Variants in CBLB observed in about 807,000 individuals in gnomAD.
CBLB encodes E3 ubiquitin-protein ligase CBL-B.
A neutral mutation model predicts 104.9 loss-of-function variants in CBLB; 31 were observed. The observed-to-expected ratio is 0.30, with a 90% CI of 0.22 to 0.40. The LOEUF is 0.40. CBLB is among the 10% of genes least tolerant of loss of function. CBLB has a pLI of 1.00. For missense variants in CBLB, 1,062 were observed against 1,214.6 expected, an observed-to-expected ratio of 0.87 and a Z score of 1.87; for synonymous variants, 440 against 422.6, an observed-to-expected ratio of 1.04 and a Z score of -0.51.
At chr3:105,764,870 G>A (rs1476062125) in intron 4 of CBLB, among the ~76,000 whole-genome samples, 1 of 152,180 alleles carries the variant, frequency 6.6e-6, no homozygotes, top group East Asian at 1.9e-4. Context: ...AAGTTTTGGT[G>A]GTTTGGTTAG....
At chr3:105,775,784 A>G (rs1427887614) in intron 4 of CBLB, among the ~76,000 whole-genome samples, 1 of 152,214 alleles carries the variant, frequency 6.6e-6, no homozygotes, top group East Asian at 1.9e-4. Flanking sequence ...TAGGGCATAC[A>G]TCTTTAACTA....
At chr3:105,759,045 C>G (rs1447826945) in intron 4 of CBLB, among the ~76,000 whole-genome samples, 1 of 152,090 alleles carries the variant, frequency 6.6e-6, no homozygotes. Context: ...GTCCCGTGTC[C>G]AGGAAGAATG....
intron 17 of CBLB, chr3:105,671,915 A>C (rs2065096638): frequency 5.2e-6 from 1 of 192,836 alleles, no homozygotes; most frequent in African/African-American, 2.3e-5. Flanking sequence ...GAATGAGAAG[A>C]TAAATCGCAT....
intron 17 of CBLB, among the ~76,000 whole-genome samples, chr3:105,675,629 A>G (rs1269633585): frequency 6.6e-6 from 1 of 152,164 alleles, no homozygotes; most frequent in Non-Finnish European, 1.5e-5. Context: ...CACGCCTGCA[A>G]TTCTAGCATT....
chr3:105,838,940 G>C (rs968370054), intron 3 of CBLB, among the ~76,000 whole-genome samples: 16 of 152,252 alleles, frequency 1.1e-4, no homozygotes, highest in African/African-American at 3.6e-4. Flanking sequence ...ACTCGAGACT[G>C]GAAGTGGATT....
intron 4 of CBLB, among the ~76,000 whole-genome samples, chr3:105,757,838 A>C (rs1232141305): frequency 6.6e-6 from 1 of 152,198 alleles, no homozygotes; most frequent in Admixed American, 6.5e-5. Flanking sequence ...CATTTTAAAC[A>C]AAAAGAAAAT....
At chr3:105,843,545 A>G (rs1248204153) in intron 3 of CBLB, among the ~76,000 whole-genome samples, 4 of 152,174 alleles carry the variant, frequency 2.6e-5, no homozygotes, top group Non-Finnish European at 4.4e-5. Context: ...TATTTGTATT[A>G]CTAATAATTT....
rs560979765 is a variant in CBLB at position 105,729,681 on chromosome 3, T to C, written c.1203+4328A>G. ...TGGAACTATGAAGTGTGCTATAATTTTGTTCTTCTTACTGACATATTTATC... is the reference window on the plus strand; with the variant it reads ...TGGAACTATGAAGTGTGCTATAATTCTGTTCTTCTTACTGACATATTTATC... On this transcript the variant is annotated intron_variant, in intron 9 of 18. Transcript: ENST00000394030. Among the ~76,000 whole-genome samples, 3 of 152,234 alleles carry C rather than the reference T, an allele frequency of 2.0e-5. No homozygotes were observed. The East Asian group carries it at 5.8e-4, about 29-fold the overall frequency.
At chr3:105,747,912 T>C (rs1462615565) in intron 5 of CBLB, among the ~76,000 whole-genome samples, 1 of 152,200 alleles carries the variant, frequency 6.6e-6, no homozygotes. Flanking sequence ...GCTACAGTAT[T>C]CAGCAACCAT....
At chr3:105,800,556 G>A (rs1389404976) in intron 3 of CBLB, among the ~76,000 whole-genome samples, 3 of 152,100 alleles carry the variant, frequency 2.0e-5, no homozygotes, top group South Asian at 2.1e-4. Flanking sequence ...GTCAAGACAC[G>A]TGTTTGACAG....
chr3:105,784,968 C>T (rs1190509712), intron 3 of CBLB, among the ~76,000 whole-genome samples: 1 of 152,168 alleles, frequency 6.6e-6, no homozygotes, highest in African/African-American at 2.4e-5. Flanking sequence ...TTCTCAAATG[C>T]ACCAGCTTTA....
chr3:105,815,050 T>A (rs1255393464), intron 3 of CBLB, among the ~76,000 whole-genome samples: 1 of 152,032 alleles, frequency 6.6e-6, no homozygotes, highest in Admixed American at 6.6e-5. Flanking sequence ...TTCACAAAAT[T>A]ATCTGTAATT....
chr3:105,804,876 A>C lies in CBLB; in HGVS notation c.420-28334T>G, dbSNP rs115248708. Among the ~76,000 whole-genome samples, 1,379 of 151,966 alleles carry C rather than the reference A, an allele frequency of 9.1e-3. 12 individuals carry two copies. The highest frequency in any genetic ancestry group is 0.011 in the Non-Finnish European group (736 of 67,960). ...AGTAGAACAGCCTTCCTTTATCCTTACTCCACAGTGGGAGAGTATCCCATC... is the reference window on the plus strand; with the variant it reads ...AGTAGAACAGCCTTCCTTTATCCTTCCTCCACAGTGGGAGAGTATCCCATC... On this transcript the variant is annotated intron_variant, in intron 3 of 18. Transcript: ENST00000394030.
At chr3:105,862,880 A>AC (rs1560581453) in intron 2 of CBLB, among the ~76,000 whole-genome samples, 1 of 151,946 alleles carries the variant, frequency 6.6e-6, no homozygotes, top group Non-Finnish European at 1.5e-5. Flanking sequence ...TTCTACACCA[A>AC]CTTTTCACCC....
chr3:105,683,337 C>T (rs531674973), intron 14 of CBLB, among the ~76,000 whole-genome samples: 1 of 152,286 alleles, frequency 6.6e-6, no homozygotes, highest in South Asian at 2.1e-4. Context: ...ATACTTCATC[C>T]ATCAGCTTTC....
At chr3:105,779,036 T>C (rs528437678) in intron 3 of CBLB, among the ~76,000 whole-genome samples, 69 of 152,328 alleles carry the variant, frequency 4.5e-4, no homozygotes, top group Middle Eastern at 3.4e-3. Context: ...AAACTTCCAA[T>C]TGATACATAC....
intron 3 of CBLB, among the ~76,000 whole-genome samples, chr3:105,794,227 G>A (rs1265780275): frequency 2.0e-5 from 3 of 152,080 alleles, no homozygotes; most frequent in Non-Finnish European, 2.9e-5. Flanking sequence ...GAAATTTCTT[G>A]ACAACTGTTA....
chr3:105,734,107 T>G lies in CBLB; in HGVS notation c.1105A>C (p.Thr369Pro). ...GCACAAATCTTACAGAGCTGAAAAG[T>G]GGAGCCCATTTCACAATATAATTCA... ...QYELYCEMGS[T>P]FQLCKICAEN... Residue 369 changes from threonine to proline, a missense_variant, in exon 9 of 19, where the codon ACT becomes CCT. This residue lies in a region of CBLB where 457 missense variants were observed against 632.0 expected (regional missense o/e 0.72). Transcript: ENST00000394030. The G allele has an allele frequency of 6.2e-7, 1 of 1,613,838 alleles. No individual in the cohort carries two copies. The highest frequency in any genetic ancestry group is 8.5e-7 in the Non-Finnish European group (1 of 1,179,742).
intron 3 of CBLB, among the ~76,000 whole-genome samples, chr3:105,789,787 A>G (rs2081428902): frequency 6.6e-6 from 1 of 152,176 alleles, no homozygotes; most frequent in Admixed American, 6.5e-5. Context: ...TAGATAAGAA[A>G]TCATCCTGGA....
Sources: allele counts gnomAD v4.1 joint callset (sites outside exome capture counted in the v4.1 genomes callset), GRCh38; gene constraint gnomAD v4.1.1; regional missense constraint gnomAD v4.1.1; transcripts MANE v1.5; gene names NCBI Gene and HGNC (gene_info 2026-07-23, HGNC 2026-07-21).